The following LITAF variants were observed in gnomAD, a reference collection of about 807,000 sequenced individuals.
LITAF encodes lipopolysaccharide-induced tumor necrosis factor-alpha factor.
A neutral mutation model predicts 14.5 loss-of-function variants in LITAF; 9 were observed. That is an observed-to-expected ratio of 0.62 (90% CI 0.37 to 1.08). The LOEUF is 1.08. Among genes scored for constraint, LITAF ranks in the 50% least tolerant of loss-of-function variants. The pLI is 0.01. For synonymous variants in LITAF, 98 were observed against 88.2 expected (o/e 1.11, Z -0.62); for missense variants, 206 against 213.4 (o/e 0.97, Z 0.22).
At chr16:11,579,135 G>C (rs113450500) in intron 1 of LITAF, among the ~76,000 whole-genome samples, 5,320 of 152,044 alleles carry the variant, frequency 0.035, 318 homozygotes, top group African/African-American at 0.12. Context: ...GTTGTAGTTA[G>C]CTGAGATTGT....
At chr16:11,621,971 C>G (rs983977371) in intron 3 of LITAF, among the ~76,000 whole-genome samples, 8 of 152,154 alleles carry the variant, frequency 5.3e-5, no homozygotes, top group Admixed American at 1.3e-4. Context: ...CAAAGTTTCT[C>G]GTGAAACCTT....
chr16:11,597,090 C>T (rs900972805), intron 1 of LITAF, among the ~76,000 whole-genome samples: 2 of 152,134 alleles, frequency 1.3e-5, no homozygotes, highest in Non-Finnish European at 2.9e-5. Flanking sequence ...CTTTCTCACC[C>T]TCTCAGGTGA....
intron 1 of LITAF, among the ~76,000 whole-genome samples, chr16:11,559,706 G>T (rs1330855354): frequency 6.6e-6 from 1 of 151,022 alleles, no homozygotes; most frequent in Non-Finnish European, 1.5e-5. Context: ...TCAAAATGTG[G>T]CTACTAGGCC....
intron 3 of LITAF, among the ~76,000 whole-genome samples, chr16:11,607,702 G>T (rs1462441967): frequency 6.6e-6 from 1 of 152,028 alleles, no homozygotes; most frequent in Non-Finnish European, 1.5e-5. Flanking sequence ...ATAAATACAG[G>T]CACACATGAA....
rs771861665 is a variant in LITAF, at chr16:11,548,519, T to G, written c.*1118A>C. On this transcript the variant is annotated 3_prime_UTR_variant, in exon 4 of 4. Coordinates refer to ENST00000622633, the MANE Select transcript of LITAF (RefSeq NM_001136472.2). ...AACGGACCCCACTCTGAGAGTTCCA[T>G]GATGAAGGTGTTTAAGAATCACATT... is the stretch of plus-strand genomic sequence containing the variant. The G allele has an allele frequency of 2.0e-5, 9 of 453,784 alleles. No homozygotes were observed. Among genetic ancestry groups the G allele is most frequent in the Non-Finnish European group, 3.5e-5 (8 of 226,766 alleles). 28.1% of individuals were successfully genotyped at this position (453,784 alleles called of 1,614,324 possible).
Position 11,605,178 on chromosome 16 carries a change from C to T in LITAF, c.85+28355G>A, listed in dbSNP as rs575976191. Among the ~76,000 whole-genome samples, 9 of 152,318 alleles carry T rather than the reference C, an allele frequency of 5.9e-5. No homozygotes were observed. In the South Asian group the frequency reaches 1.9e-3, roughly 32 times the overall value. ...CCACTGTGCAAACAGGGAGCCCAAGCTCTCAGCATCCCCCCAGCCAGCTCT... is the reference window on the plus strand; with the variant it reads ...CCACTGTGCAAACAGGGAGCCCAAGTTCTCAGCATCCCCCCAGCCAGCTCT... On this transcript the variant is annotated intron_variant, in intron 3 of 3. Transcript: ENST00000574848. This position sits in a 1 kb window ranked among gnomAD's most constrained non-coding sequence, Gnocchi z 4.7.
At chr16:11,613,943 G>A (rs988202562) in intron 3 of LITAF, among the ~76,000 whole-genome samples, 1 of 152,220 alleles carries the variant, frequency 6.6e-6, no homozygotes, top group Non-Finnish European at 1.5e-5. Context: ...ATCAACGCCT[G>A]TGTTCTGTGG....
chr16:11,635,767 G>A (rs2141913725), intron 2 of LITAF: 1 of 152,324 alleles, frequency 6.6e-6, no homozygotes, highest in Middle Eastern at 3.4e-3. Flanking sequence ...AGACCATGTG[G>A]ATTAAAAGCT....
chr16:11,593,704 T>C (rs1409070381), intron 1 of LITAF, among the ~76,000 whole-genome samples: 1 of 152,170 alleles, frequency 6.6e-6, no homozygotes, highest in African/African-American at 2.4e-5. Flanking sequence ...CTTTCCACAA[T>C]ACACAGGGAC....
intron 3 of LITAF, among the ~76,000 whole-genome samples, chr16:11,629,945 C>A (rs929044181): frequency 1.3e-5 from 2 of 152,138 alleles, no homozygotes; most frequent in Non-Finnish European, 2.9e-5. Context: ...CTGGCTGCTA[C>A]GGTGGGAGAT....
intron 1 of LITAF, among the ~76,000 whole-genome samples, chr16:11,565,799 G>T (rs878958932): frequency 7.9e-6 from 1 of 126,024 alleles, no homozygotes; most frequent in Non-Finnish European, 1.7e-5. Flanking sequence ...CCTCCTTCCT[G>T]ATGGGTCTGG....
At position 11,558,957 on chromosome 16, in the gene LITAF, G is replaced by A. The variant is rs1394631952; in HGVS notation, c.-5-2222C>T. Among the ~76,000 whole-genome samples the A allele has an allele frequency of 6.6e-6, 1 of 152,060 alleles. No homozygotes were observed. The highest frequency in any genetic ancestry group is 2.1e-4 in the South Asian group (1 of 4,830). ...CGTAAGGTTATTGGGCGTCTAAAAT[G>A]TGGCTTGTGGCCGGGCACGGGGGCT... On this transcript the variant is annotated intron_variant, in intron 1 of 3. Coordinates refer to ENST00000622633, the MANE Select transcript of LITAF (RefSeq NM_001136472.2). This position sits in a 1 kb window ranked among gnomAD's most constrained non-coding sequence, Gnocchi z 4.1.
chr16:11,609,911 G>A (rs1323530593), intron 3 of LITAF, among the ~76,000 whole-genome samples: 2 of 152,198 alleles, frequency 1.3e-5, no homozygotes, highest in Non-Finnish European at 2.9e-5. Context: ...CCTGGATGCT[G>A]AAATCACACC....
chr16:11,562,906 G>GA (rs969995533), intron 1 of LITAF, among the ~76,000 whole-genome samples: 22 of 142,132 alleles, frequency 1.5e-4, no homozygotes, highest in Middle Eastern at 7.7e-3. Context: ...CAAAACAAAA[G>GA]AAAAAAAAAT....
intron 1 of LITAF, among the ~76,000 whole-genome samples, chr16:11,596,311 G>C (rs1310359423): frequency 6.6e-6 from 1 of 151,906 alleles, no homozygotes; most frequent in Non-Finnish European, 1.5e-5. Flanking sequence ...CGTGTTCTCA[G>C]GATGGGAGGC....
chr16:11,616,870 C>T (rs1162259820), intron 3 of LITAF, among the ~76,000 whole-genome samples: 2 of 142,290 alleles, frequency 1.4e-5, no homozygotes, highest in African/African-American at 2.7e-5. Flanking sequence ...TGTGACTGAG[C>T]TACTTAACTC....
At chr16:11,620,167 C>CAAAAA (rs533195309) in intron 3 of LITAF, among the ~76,000 whole-genome samples, 4 of 67,316 alleles carry the variant, frequency 5.9e-5, no homozygotes, top group East Asian at 4.2e-4. Context: ...GAGTCCGTCT[C>CAAAAA]AAAAAAAAAA....
intron 3 of LITAF, among the ~76,000 whole-genome samples, chr16:11,615,226 T>C (rs1466440035): frequency 1.3e-5 from 2 of 152,028 alleles, no homozygotes; most frequent in African/African-American, 4.8e-5. Context: ...GTAAATGGCA[T>C]GGGCAACAAC....
intron 1 of LITAF, among the ~76,000 whole-genome samples, chr16:11,596,134 C>A (rs1056232578): frequency 2.6e-5 from 4 of 152,084 alleles, no homozygotes; most frequent in African/African-American, 9.7e-5. Context: ...ATGGGTCAAC[C>A]CTTCCCCTCG....
Sources: allele counts gnomAD v4.1 joint callset (sites outside exome capture counted in the v4.1 genomes callset), GRCh38; gene constraint gnomAD v4.1.1; non-coding constraint Gnocchi (gnomAD v3.1); transcripts MANE v1.5; gene names NCBI Gene and HGNC (gene_info 2026-07-23, HGNC 2026-07-21).